FAM53A: variants seen among roughly 807,000 people sequenced by gnomAD.
The protein encoded by FAM53A is family with sequence similarity 53 member A.
FAM53A carries 28 observed loss-of-function variants against 26.6 expected under a neutral mutation model. The ratio of observed to expected loss-of-function variants is 1.05; its 90% confidence interval spans 0.78 to 1.45. The LOEUF (loss-of-function observed/expected upper bound fraction) is 1.45. Ranked by LOEUF, FAM53A falls within the 40% of genes most tolerant of loss-of-function variation. The pLI, the probability that FAM53A is intolerant of heterozygous loss-of-function variation, is 0.00. For synonymous variants in FAM53A, 290 were observed against 253.1 expected (o/e 1.15, Z -1.38); for missense variants, 650 against 575.8 (o/e 1.13, Z -1.32).
At chr4:1,601,305 G>A in the FAM53A span, among the ~76,000 whole-genome samples, 106 of 65,164 alleles carry the variant, frequency 1.6e-3, 40 homozygotes, top group Non-Finnish European at 3.9e-3. Context: ...GGGGCCCCCC[G>A]TACAGTGGGG....
At chr4:1,666,273 A>AACCTAC (rs1714223615) in intron 2 of FAM53A, among the ~76,000 whole-genome samples, 1 of 104,412 alleles carries the variant, frequency 9.6e-6, no homozygotes, top group Admixed American at 1.1e-4. Context: ...TCTAAAATAA[A>AACCTAC]ACCTGCACCC....
chr4:1,578,160 G>A, the FAM53A span, among the ~76,000 whole-genome samples: 8 of 152,122 alleles, frequency 5.3e-5, no homozygotes, highest in African/African-American at 1.9e-4. Context: ...GCCTGGACAC[G>A]GCCCCCAGAC....
At chr4:1,624,638 A>G (rs1175861737) in intron 1 of FAM53A, among the ~76,000 whole-genome samples, 2 of 152,220 alleles carry the variant, frequency 1.3e-5, no homozygotes, top group Admixed American at 6.5e-5. Flanking sequence ...AAAGGTGAGG[A>G]CTCACAGCCA....
At position 1,624,423 on chromosome 4, in the gene FAM53A, G is replaced by A. The variant is rs150493466; in HGVS notation, c.432-6312C>T. ...GAGGCAGAAAGCGCCGTGACCCCCC[G>A]AACCACAAATGTGACAGTGCGGAGG... is the stretch of plus-strand genomic sequence containing the variant. On this transcript the variant is annotated intron_variant, in intron 1 of 1. Coordinates refer to the FAM53A transcript ENST00000489029. 7.7e-4 allele frequency among the ~76,000 whole-genome samples: 118 copies of A among 152,308 alleles called. 1 individual carries two copies. Among genetic ancestry groups the A allele is most frequent in the African/African-American group, 2.7e-3 (113 of 41,570 alleles).
chr4:1,589,361 C>T, the FAM53A span, among the ~76,000 whole-genome samples: 1 of 152,128 alleles, frequency 6.6e-6, no homozygotes, highest in South Asian at 2.1e-4. Flanking sequence ...GAAACATACA[C>T]TTGGGGTTGG....
At chr4:1,581,996 A>ATCC in the FAM53A span, among the ~76,000 whole-genome samples, 1 of 151,840 alleles carries the variant, frequency 6.6e-6, no homozygotes, top group South Asian at 2.1e-4. Context: ...AGCTCAAGTG[A>ATCC]TCCTCCTGCC....
At chr4:1,669,441 G>C (rs1000740385) in intron 1 of FAM53A, among the ~76,000 whole-genome samples, 2 of 152,222 alleles carry the variant, frequency 1.3e-5, no homozygotes, top group African/African-American at 4.8e-5. Context: ...GGCTCAGGGG[G>C]TCTTTCAGGC....
intron 1 of FAM53A, among the ~76,000 whole-genome samples, chr4:1,669,914 G>A (rs759958773): frequency 2.0e-5 from 3 of 152,202 alleles, no homozygotes; most frequent in African/African-American, 7.2e-5. Flanking sequence ...GCTGCCGCCC[G>A]GCTTCAGTTT....
chr4:1,593,123 G>A, the FAM53A span, among the ~76,000 whole-genome samples: 1 of 152,186 alleles, frequency 6.6e-6, no homozygotes, highest in Non-Finnish European at 1.5e-5. Flanking sequence ...TCCTGTGCGG[G>A]AGCCGGTGGC....
At chr4:1,677,092 C>T (rs1715097240) in intron 1 of FAM53A, among the ~76,000 whole-genome samples, 1 of 152,188 alleles carries the variant, frequency 6.6e-6, no homozygotes. Context: ...GCACCCCTCC[C>T]CCTCATCTTG....
chr4:1,680,551 G>C (rs1029939653), intron 1 of FAM53A, among the ~76,000 whole-genome samples: 5 of 152,220 alleles, frequency 3.3e-5, no homozygotes, highest in Admixed American at 1.3e-4. Context: ...GTATCCATAA[G>C]TGCCAAAACT....
chr4:1,622,701 C>T lies in FAM53A; in HGVS notation c.432-4590G>A, dbSNP rs1027437173. Among the ~76,000 whole-genome samples, 9 of 152,190 alleles carry T rather than the reference C, an allele frequency of 5.9e-5. No homozygotes were observed. In the South Asian group the frequency reaches 1.0e-3, roughly 17 times the overall value. The stretch of plus-strand genomic sequence containing the variant: ...GCTCGGGGAGGGAGGTCGGGAACAG[C>T]GGCTGTTTGGCTGGGCCCAGGCTGG... On this transcript the variant is annotated intron_variant, in intron 1 of 1. Coordinates refer to the FAM53A transcript ENST00000489029.
At chr4:1,614,715 C>A (rs1295689324), downstream of FAM53A, among the ~76,000 whole-genome samples, 1 of 152,160 alleles carries the variant, frequency 6.6e-6, no homozygotes, top group Non-Finnish European at 1.5e-5. Flanking sequence ...CCGGTCACAA[C>A]AGCTCCGTCC....
chr4:1,582,593 C>T, the FAM53A span, among the ~76,000 whole-genome samples: 2 of 152,278 alleles, frequency 1.3e-5, no homozygotes, highest in African/African-American at 2.4e-5. Context: ...AGTCCTCTCC[C>T]GCCTGCGATC....
chr4:1,612,999 G>A (rs1258868788), downstream of FAM53A, among the ~76,000 whole-genome samples: 3 of 152,140 alleles, frequency 2.0e-5, no homozygotes, highest in Non-Finnish European at 2.9e-5. Context: ...AGACACCTGC[G>A]CACACACTGG....
the FAM53A span, among the ~76,000 whole-genome samples, chr4:1,611,334 G>A: frequency 6.6e-6 from 1 of 152,156 alleles, no homozygotes; most frequent in Admixed American, 6.5e-5. Flanking sequence ...ACCCCAGTTC[G>A]AAGCCTTGGT....
chr4:1,599,183 G>A, the FAM53A span, among the ~76,000 whole-genome samples: 1 of 146,852 alleles, frequency 6.8e-6, no homozygotes, highest in Non-Finnish European at 1.5e-5. This position sits in a 1 kb window ranked among gnomAD's most constrained non-coding sequence, Gnocchi z 6.1. Context: ...CTCCAACCCC[G>A]CCCGGGACTT....
intron 4 of FAM53A, among the ~76,000 whole-genome samples, chr4:1,653,137 G>A (rs773839365): frequency 2.0e-5 from 3 of 150,334 alleles, no homozygotes; most frequent in South Asian, 2.1e-4. Context: ...CACATAGCAC[G>A]TGTGCCACAC....
chr4:1,617,410 C>A (rs2108734924), downstream of FAM53A, among the ~76,000 whole-genome samples: 1 of 152,280 alleles, frequency 6.6e-6, no homozygotes, highest in South Asian at 2.1e-4. Flanking sequence ...ATTTTACCAG[C>A]TTCAGGGAAG....
Sources: gnomAD v4.1 joint callset for allele counts (sites outside exome capture counted in the v4.1 genomes callset) on GRCh38, gnomAD v4.1.1 for gene constraint, Gnocchi (gnomAD v3.1) non-coding constraint, MANE v1.5 for transcripts, NCBI Gene and HGNC (gene_info 2026-07-23, HGNC 2026-07-21) for gene names.